The following UBR3 variants were observed in gnomAD, a reference collection of about 807,000 sequenced individuals.
UBR3 encodes the protein E3 ubiquitin-protein ligase UBR3.
Under a neutral mutation model 243.2 loss-of-function variants are expected in UBR3, and 85 were observed. That is an observed-to-expected ratio of 0.35 (90% confidence interval 0.29 to 0.42). The LOEUF (loss-of-function observed/expected upper bound fraction) is 0.42, where lower values mean the gene tolerates loss of function less well. UBR3 is among the 10% of genes least tolerant of loss of function. UBR3 has a pLI of 1.00. For missense variants in UBR3, 1,686 were observed against 2,300.8 expected (o/e 0.73, Z 5.47); for synonymous variants, 748 against 799.8 (o/e 0.94, Z 1.09).
chr2:170,005,128 GC>G (rs1159320385), intron 27 of UBR3, among the ~76,000 whole-genome samples: 1 of 152,194 alleles, frequency 6.6e-6, no homozygotes, highest in African/African-American at 2.4e-5. Flanking sequence ...GGAGGCTGAG[GC>G]AGGAGAATGG....
chr2:170,080,630 G>A lies in UBR3; in HGVS notation c.5495G>A (p.Cys1832Tyr). 6.2e-7 allele frequency: 1 copy of A among 1,614,006 alleles called. No individual in the cohort carries two copies. Among genetic ancestry groups the A allele is most frequent in the Non-Finnish European group, 8.5e-7 (1 of 1,179,940 alleles). ...ATCATCATTCGAGGTCACCGCTTCT[G>A]CCTCTGGGGTTCCGTGTATTTGGAT... ...VIIIIRGHRF[C>Y]LWGSVYLDAH... is the part of the protein sequence containing the mutation. The change falls in exon 38 of 39, where the codon TGC (cysteine) becomes TAC (tyrosine). Residue 1832 changes from cysteine (C) to tyrosine (Y), a missense_variant. Around this residue, in one of 8 missense-constraint regions of UBR3, gnomAD observed 89 missense variants for 183.3 expected, o/e 0.49. Transcript: ENST00000272793.
intron 11 of UBR3, among the ~76,000 whole-genome samples, chr2:169,917,837 G>A (rs1419534325): frequency 1.3e-5 from 2 of 152,044 alleles, no homozygotes; most frequent in African/African-American, 2.4e-5. Context: ...TGAGTAACTG[G>A]GACTACAGGC....
At chr2:169,931,770 C>T (rs530919517) in intron 18 of UBR3, among the ~76,000 whole-genome samples, 2 of 151,992 alleles carry the variant, frequency 1.3e-5, no homozygotes, top group African/African-American at 4.8e-5. Context: ...TAAAAAAAAC[C>T]TTGCCTCTTC....
At chr2:169,941,181 A>AT (rs1386776050) in intron 19 of UBR3, among the ~76,000 whole-genome samples, 1 of 152,190 alleles carries the variant, frequency 6.6e-6, no homozygotes, top group Admixed American at 6.5e-5. Context: ...GCATTTTATC[A>AT]TCTCATATCA....
intron 24 of UBR3, among the ~76,000 whole-genome samples, chr2:169,975,625 G>C (rs898744309): frequency 1.3e-5 from 2 of 152,070 alleles, no homozygotes; most frequent in Non-Finnish European, 2.9e-5. Flanking sequence ...TGGGTGCTCT[G>C]GCATTGAGTG....
At chr2:169,836,146 C>T (rs1171972346) in intron 1 of UBR3, among the ~76,000 whole-genome samples, 10 of 128,822 alleles carry the variant, frequency 7.8e-5, no homozygotes, top group Admixed American at 2.7e-4. Flanking sequence ...TGCAATGGTG[C>T]GATCTCGGCT....
chr2:169,909,583 C>T (rs1187022160), intron 10 of UBR3, among the ~76,000 whole-genome samples: 2 of 152,026 alleles, frequency 1.3e-5, no homozygotes, highest in Admixed American at 6.6e-5. Context: ...ATCTATTGCA[C>T]AACATGGTGA....
chr2:170,061,070 T>A lies in UBR3; in HGVS notation c.4786-9T>A. The stretch of plus-strand genomic sequence containing the variant: ...GTGACCAGTGTAACCAATATTTTAA[T>A]TTTTTCAGAGTACATGTGATGCAGA... On this transcript the variant is annotated splice_polypyrimidine_tract_variant and intron_variant, in intron 33 of 38. Coordinates refer to ENST00000272793, the MANE Select transcript of UBR3 (RefSeq NM_172070.4). 1 of 1,521,160 alleles carries A rather than the reference T, an allele frequency of 6.6e-7. No individual in the cohort carries two copies. The highest frequency in any genetic ancestry group is 8.8e-7 in the Non-Finnish European group (1 of 1,139,344). The allele number at this position is 1,521,160 out of a possible 1,614,324, so 94.2% of individuals were successfully genotyped here. A position where few individuals can be genotyped will look rare whatever the true frequency, so the allele number is the denominator to read the frequency against.
intron 10 of UBR3, among the ~76,000 whole-genome samples, chr2:169,913,852 A>G (rs956029211): frequency 6.6e-6 from 1 of 152,180 alleles, no homozygotes; most frequent in Admixed American, 6.5e-5. Context: ...AATGTATTGT[A>G]AAAAAGGAAG....
intron 2 of UBR3, among the ~76,000 whole-genome samples, chr2:169,873,164 A>G (rs2083486522): frequency 6.6e-6 from 1 of 152,148 alleles, no homozygotes; most frequent in Non-Finnish European, 1.5e-5. Context: ...TACTATAAAT[A>G]ATTTTATATT....
intron 22 of UBR3, among the ~76,000 whole-genome samples, chr2:169,948,363 T>G (rs1242669107): frequency 6.6e-6 from 1 of 152,058 alleles, no homozygotes; most frequent in Non-Finnish European, 1.5e-5. Flanking sequence ...GCAATTAACT[T>G]TGATAAAATA....
At chr2:169,929,234 C>G (rs185826534) in intron 18 of UBR3, among the ~76,000 whole-genome samples, 273 of 152,150 alleles carry the variant, frequency 1.8e-3, no homozygotes, top group African/African-American at 6.2e-3. Flanking sequence ...TTTGAAACAG[C>G]AAAAGAATCC....
At chr2:169,841,129 T>C (rs994209503) in intron 1 of UBR3, among the ~76,000 whole-genome samples, 2 of 152,182 alleles carry the variant, frequency 1.3e-5, no homozygotes. Flanking sequence ...CTAAGCATGC[T>C]TTTTTATTCT....
At chr2:169,902,678 C>T (rs1358892504) in intron 8 of UBR3, among the ~76,000 whole-genome samples, 1 of 151,094 alleles carries the variant, frequency 6.6e-6, no homozygotes, top group Non-Finnish European at 1.5e-5. Flanking sequence ...GGCACAATCT[C>T]GGCTCACTGC....
chr2:169,983,078 TGA>T (rs1361792918), intron 24 of UBR3, among the ~76,000 whole-genome samples: 1 of 128,132 alleles, frequency 7.8e-6, no homozygotes, highest in African/African-American at 2.8e-5. Flanking sequence ...ATGGTAGAGT[TGA>T]GAGAGTGAGA....
rs397966443 is a variant in UBR3, at chr2:169,848,334, GT to G, written c.545+20298del. The stretch of plus-strand genomic sequence containing the variant: ...TTGAAGTAAGTATAAAAGTATCATA[GT>G]TTTTTTTTTTTTTTTGCCTTTAGGG... On this transcript the variant is annotated intron_variant, in intron 1 of 38. Transcript: ENST00000272793. 2.9e-3 allele frequency among the ~76,000 whole-genome samples: 378 copies of G among 129,474 alleles called. 2 individuals carry two copies. Among genetic ancestry groups the G allele is most frequent in the Middle Eastern group, 0.02 (5 of 254 alleles). 84.9% of individuals were successfully genotyped at this position (129,474 alleles called of 152,430 possible).
intron 19 of UBR3, among the ~76,000 whole-genome samples, chr2:169,935,698 A>G (rs2086299997): frequency 1.3e-5 from 2 of 152,192 alleles, no homozygotes; most frequent in Non-Finnish European, 2.9e-5. Flanking sequence ...TTTTGTCTCA[A>G]ACTAGTCAAT....
At chr2:169,932,762 C>T (rs2086184253) in intron 18 of UBR3, 150 bp from the exon 19 acceptor site, 1 of 603,934 alleles carries the variant, frequency 1.7e-6, no homozygotes, top group South Asian at 2.4e-5. Flanking sequence ...GAAAAGTAAT[C>T]ATGGCATCAA....
At chr2:169,994,533 T>C in intron 26 of UBR3, 77 bp downstream of exon 26, 1 of 1,483,836 alleles carries the variant, frequency 6.7e-7, no homozygotes, top group East Asian at 2.3e-5. Context: ...ACATGTCTTT[T>C]ACCAAAATGG....
Sources: gnomAD v4.1 joint callset for allele counts (sites outside exome capture counted in the v4.1 genomes callset) on GRCh38, gnomAD v4.1.1 for gene constraint, gnomAD v4.1.1 regional missense constraint, MANE v1.5 for transcripts, NCBI Gene and HGNC (gene_info 2026-07-23, HGNC 2026-07-21) for gene names.